NTM: variants seen among roughly 807,000 people sequenced by gnomAD.
NTM encodes IgLON family member 2.
A neutral mutation model predicts 42.1 loss-of-function variants in NTM; 13 were observed. That is an observed-to-expected ratio of 0.31 (90% confidence interval 0.20 to 0.49). The LOEUF is 0.49. Ranked by LOEUF, NTM falls within the 20% of genes least tolerant of loss-of-function variation. The pLI, the probability that NTM is intolerant of heterozygous loss-of-function variation, is 0.99. For missense variants in NTM, 373 were observed against 452.8 expected, an observed-to-expected ratio of 0.82 and a Z score of 1.60; for synonymous variants, 187 against 179.2, an observed-to-expected ratio of 1.04 and a Z score of -0.35.
chr11:131,643,761 A>G (rs115043746), intron 1 of NTM, among the ~76,000 whole-genome samples: 1,788 of 152,226 alleles, frequency 0.012, 39 homozygotes, highest in African/African-American at 0.041. Flanking sequence ...TGCTGCCATT[A>G]CCGAGCCTGC....
At chr11:131,846,712 T>C (rs1592244452) in intron 1 of NTM, among the ~76,000 whole-genome samples, 1 of 152,094 alleles carries the variant, frequency 6.6e-6, no homozygotes, top group South Asian at 2.1e-4. Context: ...AATGTATGTA[T>C]TATTTATAGA....
chr11:131,862,234 A>T (rs1474961597), intron 1 of NTM, among the ~76,000 whole-genome samples: 1 of 152,166 alleles, frequency 6.6e-6, no homozygotes, highest in Admixed American at 6.5e-5. Context: ...GGTCACTCTG[A>T]GGGCACAACT....
intron 1 of NTM, among the ~76,000 whole-genome samples, chr11:131,442,832 C>T (rs1949732959): frequency 6.6e-6 from 1 of 151,214 alleles, no homozygotes; most frequent in Non-Finnish European, 1.5e-5. Context: ...TATATATATA[C>T]ACACACAGAC....
intron 1 of NTM, among the ~76,000 whole-genome samples, chr11:131,503,850 G>A (rs2047146961): frequency 6.6e-6 from 1 of 152,152 alleles, no homozygotes; most frequent in African/African-American, 2.4e-5. Flanking sequence ...GCAGGGTTGT[G>A]CGTGTTTCTT....
At chr11:131,417,116 A>G (rs186906555) in intron 1 of NTM, among the ~76,000 whole-genome samples, 10 of 152,330 alleles carry the variant, frequency 6.6e-5, no homozygotes, top group Non-Finnish European at 1.3e-4. Context: ...AGATCTTTCC[A>G]TTAATCTGAA....
At chr11:131,887,567 T>A (rs2050608811) in intron 1 of NTM, among the ~76,000 whole-genome samples, 1 of 152,224 alleles carries the variant, frequency 6.6e-6, no homozygotes, top group African/African-American at 2.4e-5. Flanking sequence ...ATTGGTAACT[T>A]CCTACCAATT....
At chr11:132,148,846 C>T (rs1362514641) in intron 3 of NTM, among the ~76,000 whole-genome samples, 1 of 152,098 alleles carries the variant, frequency 6.6e-6, no homozygotes, top group East Asian at 1.9e-4. Flanking sequence ...GAGTCTACAT[C>T]AATCTTCACT....
At chr11:131,501,059 C>T (rs1157489992) in intron 1 of NTM, among the ~76,000 whole-genome samples, 4 of 151,904 alleles carry the variant, frequency 2.6e-5, no homozygotes, top group African/African-American at 7.3e-5. Flanking sequence ...TCCAGACCTG[C>T]CTAGTTACAT....
chr11:132,170,599 G>T (rs564237716), intron 3 of NTM, among the ~76,000 whole-genome samples: 1 of 152,264 alleles, frequency 6.6e-6, no homozygotes, highest in South Asian at 2.1e-4. Context: ...ATGTCTACAA[G>T]TTATAGGTCA....
intron 4 of NTM, among the ~76,000 whole-genome samples, chr11:132,253,626 A>G (rs2092199687): frequency 6.6e-6 from 1 of 152,320 alleles, no homozygotes; most frequent in Admixed American, 6.5e-5. Context: ...AGATCTGTAG[A>G]AAGTAAAATG....
intron 1 of NTM, among the ~76,000 whole-genome samples, chr11:131,706,429 A>C (rs925121738): frequency 1.3e-5 from 2 of 152,080 alleles, no homozygotes; most frequent in African/African-American, 2.4e-5. Flanking sequence ...GCTTACTCAG[A>C]CAGAAAAATC....
chr11:131,974,486 C>G (rs564493245), intron 2 of NTM, among the ~76,000 whole-genome samples: 4 of 152,302 alleles, frequency 2.6e-5, no homozygotes, highest in Admixed American at 2.6e-4. Flanking sequence ...ACTTATACCT[C>G]TTTGCTCTCA....
At chr11:132,318,202 GGGGTCCAGGTTAGGGCC>G (rs1277193530) in intron 7 of NTM, among the ~76,000 whole-genome samples, 3 of 152,150 alleles carry the variant, frequency 2.0e-5, no homozygotes, top group Admixed American at 2.0e-4. Flanking sequence ...GGGTGCTACT[GGGGTCCAGGTTAGGGCC>G]TGACGTCCAG....
intron 1 of NTM, among the ~76,000 whole-genome samples, chr11:131,639,888 G>A (rs1350400549): frequency 1.3e-5 from 2 of 151,912 alleles, no homozygotes; most frequent in Admixed American, 6.6e-5. Flanking sequence ...CCCGGGAGGC[G>A]GAGGTTGCAG....
At chr11:132,333,328 G>A (rs564895) in intron 8 of NTM, among the ~76,000 whole-genome samples, 5,649 of 152,138 alleles carry the variant, frequency 0.037, 138 homozygotes, top group Non-Finnish European at 0.053. Flanking sequence ...AAGGACTTAC[G>A]CAGAGCAGAG....
intron 1 of NTM, among the ~76,000 whole-genome samples, chr11:131,789,657 GAAGAAGAAGAAA>G (rs1565553362): frequency 7.2e-6 from 1 of 138,262 alleles, no homozygotes; most frequent in African/African-American, 2.8e-5. Flanking sequence ...AGAAGAAGAA[GAAGAAGAAGAAA>G]GCATGGGCCG....
At chr11:132,090,913 C>A (rs2060297895) in intron 2 of NTM, among the ~76,000 whole-genome samples, 1 of 152,198 alleles carries the variant, frequency 6.6e-6, no homozygotes, top group African/African-American at 2.4e-5. Context: ...TCTCTCACCT[C>A]ACCCAGACCT....
At chr11:132,032,837 T>A (rs1450197122) in intron 2 of NTM, among the ~76,000 whole-genome samples, 1 of 152,254 alleles carries the variant, frequency 6.6e-6, no homozygotes, top group Non-Finnish European at 1.5e-5. Flanking sequence ...CATCATATTA[T>A]GTTGATGTTA....
chr11:131,757,399 A>G (rs1215469687), intron 1 of NTM, among the ~76,000 whole-genome samples: 3 of 152,204 alleles, frequency 2.0e-5, no homozygotes, highest in African/African-American at 4.8e-5. Context: ...TAGCTCTTCA[A>G]CGATATACCA....
Sources: gnomAD v4.1 joint callset for allele counts (sites outside exome capture counted in the v4.1 genomes callset) on GRCh38, gnomAD v4.1.1 for gene constraint, MANE v1.5 for transcripts, NCBI Gene and HGNC (gene_info 2026-07-23, HGNC 2026-07-21) for gene names.